ITIH6: variants seen among roughly 807,000 people sequenced by gnomAD.
ITIH6 encodes the protein inter-alpha-trypsin inhibitor heavy chain H6.
Under a neutral mutation model 58.2 loss-of-function variants are expected in ITIH6, and 60 were observed. The observed-to-expected ratio is 1.03, with a 90% confidence interval of 0.84 to 1.28. The LOEUF is 1.28. Ranked by LOEUF, ITIH6 falls within the 50% of genes most tolerant of loss-of-function variation. The pLI, the probability that ITIH6 is intolerant of heterozygous loss-of-function variation, is 0.00. For missense variants in ITIH6, 1,290 were observed against 1,021.1 expected (o/e 1.26, Z -3.59); for synonymous variants, 493 against 417.4 (o/e 1.18, Z -2.21).
Position 54,791,090 on chromosome X carries a change from C to A in ITIH6, c.369-6G>T. 9 of 1,209,681 alleles carry A rather than the reference C, an allele frequency of 7.4e-6. No individual in the cohort carries two copies. The highest frequency in any genetic ancestry group is 8.9e-6 in the Non-Finnish European group (8 of 894,362). The stretch of plus-strand genomic sequence containing the variant: ...ACTTCTCTGATTCCCGGTCCCTGGG[C>A]AGGAAAGGGAGGATGGTGGGAAGAG... On this transcript the variant is annotated splice_polypyrimidine_tract_variant and splice_region_variant and intron_variant, in intron 3 of 12. Transcript: ENST00000218436.
At chrX:54,752,536 G>T (rs933456831) in intron 11 of ITIH6, among the ~76,000 whole-genome samples, 2 of 112,262 alleles carry the variant, frequency 1.8e-5, no homozygotes, top group African/African-American at 6.5e-5. Flanking sequence ...AATTCATCTT[G>T]TTCATGCTCT....
intron 5 of ITIH6, among the ~76,000 whole-genome samples, chrX:54,779,998 C>T (rs1339632915): frequency 2.7e-5 from 3 of 110,974 alleles, no homozygotes; most frequent in Admixed American, 9.6e-5. Flanking sequence ...ATATATGTAC[C>T]CAACACTGGA....
chrX:54,750,059 G>T lies in ITIH6; in HGVS notation c.3778C>A (p.Pro1260Thr). The T allele has an allele frequency of 8.3e-7, 1 of 1,211,153 alleles. No individual in the cohort carries two copies. The highest frequency in any genetic ancestry group is 1.1e-6 in the Non-Finnish European group (1 of 895,138). Residue 1260 changes from proline to threonine, a missense_variant, in exon 13 of 13, where the codon CCA (proline) becomes ACA (threonine). Coordinates refer to ENST00000218436, the MANE Select transcript of ITIH6 (RefSeq NM_198510.3). ...GGGCCATGGTGCCTTCGTAAGCATGGCCCCATAGGTCCTGTCACCAGTCGG... is the reference window on the plus strand; with the variant it reads ...GGGCCATGGTGCCTTCGTAAGCATGTCCCCATAGGTCCTGTCACCAGTCGG... ...DIRLVTGPMGPCLRRHHGPDV... is the reference protein window; with the variant it reads ...DIRLVTGPMGTCLRRHHGPDV...
At position 54,758,056 on chromosome X, in the gene ITIH6, G is replaced by A; in HGVS notation, c.2018C>T (p.Thr673Ile). ...CATCTTCTTGGTAGAGGCAGTAGTA[G>A]TTGAGGATAAGTAGAACTTTGGTTT... Reference protein sequence around the residue: ...PVKPKFYLSSTTTASTKKMLS... With the variant: ...PVKPKFYLSSITTASTKKMLS... Residue 673 changes from threonine to isoleucine, a missense_variant, in exon 8 of 13, where the codon ACT becomes ATT. By Grantham distance (89) the Thr-to-Ile change is moderately conservative. Transcript: ENST00000218436. The A allele has an allele frequency of 8.3e-7, 1 of 1,211,473 alleles. No individual in the cohort carries two copies. Among genetic ancestry groups the A allele is most frequent in the Non-Finnish European group, 1.1e-6 (1 of 895,152 alleles).
chrX:54,760,834 T>C (rs1928624504), intron 6 of ITIH6, among the ~76,000 whole-genome samples: 1 of 111,912 alleles, frequency 8.9e-6, no homozygotes, highest in Non-Finnish European at 1.9e-5. Flanking sequence ...ATCCAGTCTA[T>C]CATTGTTGGA....
intron 5 of ITIH6, among the ~76,000 whole-genome samples, chrX:54,782,944 C>A (rs1346452245): frequency 8.9e-6 from 1 of 111,957 alleles, no homozygotes; most frequent in Non-Finnish European, 1.9e-5. Context: ...ATGTCCTCAA[C>A]AAAATACTAA....
At chrX:54,789,098 C>T (rs1405839195) in intron 4 of ITIH6, among the ~76,000 whole-genome samples, 1 of 112,433 alleles carries the variant, frequency 8.9e-6, no homozygotes, top group Non-Finnish European at 1.9e-5. Context: ...CTCTCATTCC[C>T]CCACTGCTGT....
intron 2 of ITIH6, 147 bp from the exon 3 acceptor site, chrX:54,792,183 G>A: frequency 2.4e-6 from 1 of 415,120 alleles, no homozygotes; most frequent in Non-Finnish European, 4.2e-6. Flanking sequence ...GCCCCAGTGT[G>A]AGCGGCAAGA....
intron 6 of ITIH6, among the ~76,000 whole-genome samples, chrX:54,768,431 A>T (rs1345650149): frequency 2.3e-5 from 2 of 85,342 alleles, no homozygotes; most frequent in Admixed American, 1.4e-4. Context: ...TGATCCTGTC[A>T]TTATGATGTT....
intron 5 of ITIH6, among the ~76,000 whole-genome samples, chrX:54,779,257 T>A (rs907424130): frequency 1.8e-5 from 2 of 112,162 alleles, no homozygotes; most frequent in Non-Finnish European, 3.8e-5. Context: ...ACTGTAACAG[T>A]GGTGTATAAA....
intron 6 of ITIH6, among the ~76,000 whole-genome samples, chrX:54,765,710 G>A (rs891055927): frequency 4.6e-5 from 5 of 108,973 alleles, no homozygotes; most frequent in Admixed American, 3.9e-4. Context: ...TTCACGAAGC[G>A]GCGTTATTTC....
At chrX:54,763,999 C>T (rs748397467) in intron 6 of ITIH6, among the ~76,000 whole-genome samples, 3 of 112,128 alleles carry the variant, frequency 2.7e-5, no homozygotes, top group Non-Finnish European at 5.6e-5. Flanking sequence ...AAAACTAATA[C>T]AGCTACCCCA....
At chrX:54,783,063 T>A (rs2147617308) in intron 5 of ITIH6, among the ~76,000 whole-genome samples, 1 of 112,797 alleles carries the variant, frequency 8.9e-6, no homozygotes, top group East Asian at 2.8e-4. Flanking sequence ...TGATACATTA[T>A]ATCAACTGAA....
At chrX:54,761,813 C>G (rs1470189963) in intron 6 of ITIH6, among the ~76,000 whole-genome samples, 2 of 111,727 alleles carry the variant, frequency 1.8e-5, no homozygotes, top group East Asian at 2.8e-4. Flanking sequence ...GTTTTGGTAC[C>G]AGTACCATGC....
At chrX:54,759,099 T>TA (rs1928579610) in intron 7 of ITIH6, 101 bp from the exon 8 acceptor site, 1 of 580,688 alleles carries the variant, frequency 1.7e-6, no homozygotes, top group East Asian at 3.6e-5. Flanking sequence ...CACAGCTCCT[T>TA]ATCTTTGCTC....
At chrX:54,769,429 C>A (rs1303101762) in intron 6 of ITIH6, among the ~76,000 whole-genome samples, 1 of 104,073 alleles carries the variant, frequency 9.6e-6, no homozygotes, top group Non-Finnish European at 2.0e-5. Flanking sequence ...TGAGGAACTG[C>A]GTTCCTTTGG....
Position 54,768,169 on chromosome X carries a change from C to G in ITIH6, c.903+5912G>C, listed in dbSNP as rs373681495. Among the ~76,000 whole-genome samples the G allele has an allele frequency of 3.5e-4, 17 of 48,885 alleles. No homozygotes were observed. The East Asian group carries it at 8.7e-3, about 25-fold the overall frequency. 42.5% of individuals were successfully genotyped at this position (48,885 alleles called of 115,157 possible). On this transcript the variant is annotated intron_variant, in intron 6 of 12. Transcript: ENST00000218436. Reference sequence around the variant, plus strand: ...AATGGCCTTCTTTGTCTCTTTTGATCTTTGTTGGTTTAAAGTCTGTTTTAT... The same window carrying G: ...AATGGCCTTCTTTGTCTCTTTTGATGTTTGTTGGTTTAAAGTCTGTTTTAT...
Position 54,758,911 on chromosome X carries a change from C to T in ITIH6, c.1163G>A (p.Arg388Lys), listed in dbSNP as rs200127256. 8.9e-5 allele frequency: 107 copies of T among 1,206,629 alleles called. 1 individual carries two copies. Among genetic ancestry groups the T allele is most frequent in the Non-Finnish European group, 1.2e-4 (103 of 893,389 alleles). Residue 388 changes from arginine to lysine, a missense_variant, in exon 8 of 13, where the codon AGG (arginine) becomes AAG (lysine). Transcript: ENST00000218436. ...CGTCAGGAAGATGATAAGAGGGATC[C>T]TCCCCACACTGGGGCCCCTCCCAGG... ...QEPGRGPSVG[R>K]IPLIIFLTDG...
At chrX:54,752,202 G>T (rs978368628) in intron 11 of ITIH6, among the ~76,000 whole-genome samples, 2 of 111,542 alleles carry the variant, frequency 1.8e-5, no homozygotes, top group Non-Finnish European at 3.8e-5. Flanking sequence ...AAAATTTTTT[G>T]CACCAAAATA....
Sources: gnomAD v4.1 joint callset for allele counts (sites outside exome capture counted in the v4.1 genomes callset) on GRCh38, gnomAD v4.1.1 for gene constraint, MANE v1.5 for transcripts, NCBI Gene and HGNC (gene_info 2026-07-23, HGNC 2026-07-21) for gene names.